Variants in LRRTM4 observed in about 807,000 individuals in gnomAD.
The protein encoded by LRRTM4 is leucine-rich repeat transmembrane neuronal protein 4.
A neutral mutation model predicts 47.6 loss-of-function variants in LRRTM4; 25 were observed. The observed-to-expected ratio is 0.53, with a 90% CI of 0.38 to 0.73. The LOEUF (loss-of-function observed/expected upper bound fraction) is 0.73, where lower values mean the gene tolerates loss of function less well. Ranked by LOEUF, LRRTM4 falls within the 30% of genes least tolerant of loss-of-function variation. LRRTM4 has a pLI of 0.00. For missense variants in LRRTM4, 638 were observed against 713.4 expected (o/e 0.89, Z 1.20); for synonymous variants, 311 against 269.5 (o/e 1.15, Z -1.51).
intron 3 of LRRTM4, among the ~76,000 whole-genome samples, chr2:76,766,962 A>G (rs1001886574): frequency 6.6e-6 from 1 of 152,212 alleles, no homozygotes; most frequent in Admixed American, 6.5e-5. Flanking sequence ...TGAGCCCTCT[A>G]GACAAGCCCT....
chr2:76,792,008 A>G lies in LRRTM4; in HGVS notation c.1552-43092T>C, dbSNP rs189717993. On this transcript the variant is annotated intron_variant, in intron 3 of 3. Transcript: ENST00000409884. ...ATTTCATTACTTTCCAGTTTTCTCC[A>G]TTATATTGTTCCATTTCAGAAAGAA... Among the ~76,000 whole-genome samples, 8 of 152,254 alleles carry G rather than the reference A, an allele frequency of 5.3e-5. No individual in the cohort carries two copies. The East Asian group carries it at 1.4e-3, about 26-fold the overall frequency.
chr2:77,095,845 T>G (rs546491197), intron 3 of LRRTM4, among the ~76,000 whole-genome samples: 1 of 152,304 alleles, frequency 6.6e-6, no homozygotes, highest in East Asian at 1.9e-4. Flanking sequence ...TTCTGTCATT[T>G]GACAACATGA....
chr2:77,345,820 AT>A (rs1671539357), intron 3 of LRRTM4, among the ~76,000 whole-genome samples: 4 of 151,268 alleles, frequency 2.6e-5, no homozygotes, highest in Non-Finnish European at 5.9e-5. Context: ...GAGGAAAAAC[AT>A]ATATATATAT....
At chr2:77,325,105 T>G (rs1430811368) in intron 3 of LRRTM4, among the ~76,000 whole-genome samples, 1 of 152,116 alleles carries the variant, frequency 6.6e-6, no homozygotes, top group African/African-American at 2.4e-5. Context: ...CACAAGAAAT[T>G]TCTTAGAAGT....
chr2:77,072,348 C>T (rs1020601902), intron 3 of LRRTM4, among the ~76,000 whole-genome samples: 3 of 152,170 alleles, frequency 2.0e-5, no homozygotes, highest in Admixed American at 1.3e-4. Flanking sequence ...TAAACTTATA[C>T]ATTTAACATG....
At chr2:76,806,353 T>C (rs970236646) in intron 3 of LRRTM4, among the ~76,000 whole-genome samples, 1 of 152,064 alleles carries the variant, frequency 6.6e-6, no homozygotes, top group Non-Finnish European at 1.5e-5. Flanking sequence ...AGTCTGAGGA[T>C]GGTGGATCAC....
At chr2:76,830,781 C>G (rs1305811861) in intron 3 of LRRTM4, among the ~76,000 whole-genome samples, 1 of 151,818 alleles carries the variant, frequency 6.6e-6, no homozygotes, top group African/African-American at 2.4e-5. Context: ...GTAAAAATTT[C>G]TATATTAAAC....
At chr2:77,349,340 A>C (rs575171591) in intron 3 of LRRTM4, among the ~76,000 whole-genome samples, 100 of 152,178 alleles carry the variant, frequency 6.6e-4, no homozygotes, top group African/African-American at 2.3e-3. Context: ...ACAATAAAAA[A>C]AAAACCTAGA....
intron 3 of LRRTM4, among the ~76,000 whole-genome samples, chr2:77,089,048 G>A (rs1680830549): frequency 6.6e-6 from 1 of 152,032 alleles, no homozygotes; most frequent in African/African-American, 2.4e-5. Flanking sequence ...TCACTGCAGG[G>A]ACACCTCTCT....
At chr2:76,837,179 T>C (rs1021357383) in intron 3 of LRRTM4, among the ~76,000 whole-genome samples, 3 of 152,148 alleles carry the variant, frequency 2.0e-5, no homozygotes, top group African/African-American at 7.2e-5. Flanking sequence ...ATAGAGGTGT[T>C]TGTAGTATTC....
chr2:77,075,729 C>T (rs1179530262), intron 3 of LRRTM4, among the ~76,000 whole-genome samples: 3 of 150,586 alleles, frequency 2.0e-5, no homozygotes, highest in Non-Finnish European at 4.4e-5. Context: ...TCCTGGCTAA[C>T]AAGGTGAAAC....
chr2:76,996,493 A>G (rs1036957914), intron 3 of LRRTM4, among the ~76,000 whole-genome samples: 3 of 152,124 alleles, frequency 2.0e-5, no homozygotes, highest in African/African-American at 7.2e-5. Context: ...TGGAGAAAAG[A>G]CAACTCTTAA....
At chr2:77,401,944 G>A (rs370798782) in intron 3 of LRRTM4, among the ~76,000 whole-genome samples, 335 of 151,974 alleles carry the variant, frequency 2.2e-3, no homozygotes, top group Admixed American at 4.3e-3. Context: ...TTGAAAGAAC[G>A]ACTATTTTAG....
In LRRTM4 at chr2:76,747,732, C is replaced by T. The variant is rs928704170; in HGVS notation, c.*963G>A. 2.0e-5 allele frequency: 3 copies of T among 152,072 alleles called. No individual in the cohort carries two copies. The highest frequency in any genetic ancestry group is 4.8e-5 in the African/African-American group (2 of 41,410). 9.4% of individuals were successfully genotyped at this position (152,072 alleles called of 1,614,324 possible). On this transcript the variant is annotated 3_prime_UTR_variant, in exon 4 of 4. Transcript: ENST00000409884. The stretch of plus-strand genomic sequence containing the variant: ...ACCACAAAATAATATATTTATTTTT[C>T]AATATTTTTTCTTTTATTGATAAAA...
chr2:77,373,742 CAG>C (rs1672732135), intron 3 of LRRTM4, among the ~76,000 whole-genome samples: 1 of 151,680 alleles, frequency 6.6e-6, no homozygotes, highest in South Asian at 2.1e-4. Context: ...ATATAAAACT[CAG>C]AAAATAGCCA....
At chr2:76,841,191 T>C (rs532547820) in intron 3 of LRRTM4, among the ~76,000 whole-genome samples, 24 of 150,738 alleles carry the variant, frequency 1.6e-4, no homozygotes, top group Non-Finnish European at 2.5e-4. Context: ...AACCAAACAC[T>C]GCATGTTCTC....
At chr2:77,289,259 G>A (rs576034145) in intron 3 of LRRTM4, among the ~76,000 whole-genome samples, 1 of 151,864 alleles carries the variant, frequency 6.6e-6, no homozygotes, top group Non-Finnish European at 1.5e-5. Flanking sequence ...CCTAATTTAG[G>A]TACTAATACA....
intron 3 of LRRTM4, among the ~76,000 whole-genome samples, chr2:77,137,733 T>A (rs1382968603): frequency 6.6e-6 from 1 of 152,036 alleles, no homozygotes; most frequent in Non-Finnish European, 1.5e-5. Context: ...GAGACCCATG[T>A]CACACGCAGG....
intron 3 of LRRTM4, among the ~76,000 whole-genome samples, chr2:77,134,379 T>G (rs961961976): frequency 6.6e-6 from 1 of 152,184 alleles, no homozygotes; most frequent in Non-Finnish European, 1.5e-5. Flanking sequence ...GGTTGATGAC[T>G]CTGTCCAACA....
Sources: gnomAD v4.1 joint callset for allele counts (sites outside exome capture counted in the v4.1 genomes callset) on GRCh38, gnomAD v4.1.1 for gene constraint, MANE v1.5 for transcripts, NCBI Gene and HGNC (gene_info 2026-07-23, HGNC 2026-07-21) for gene names.